The following KIF16B variants were observed in gnomAD, a reference collection of about 807,000 sequenced individuals.
KIF16B encodes kinesin-like protein KIF16B.
Under a neutral mutation model 156.3 loss-of-function variants are expected in KIF16B, and 98 were observed. The observed-to-expected ratio is 0.63, with a 90% confidence interval of 0.53 to 0.74. The LOEUF (loss-of-function observed/expected upper bound fraction) is 0.74. KIF16B is among the 30% of genes least tolerant of loss of function. The probability of loss-of-function intolerance (pLI) is 0.00; values close to 1 mark genes in which losing one functional copy is unlikely to be tolerated. For missense variants in KIF16B, 1,421 were observed against 1,606.5 expected (o/e 0.88, Z 1.97); for synonymous variants, 564 against 583.7 (o/e 0.97, Z 0.49).
chr20:16,395,979 A>G (rs1422909314), intron 17 of KIF16B, among the ~76,000 whole-genome samples: 1 of 152,196 alleles, frequency 6.6e-6, no homozygotes, highest in African/African-American at 2.4e-5. Context: ...TGGCCTGGCA[A>G]TTCTACAGCT....
intron 23 of KIF16B, among the ~76,000 whole-genome samples, chr20:16,345,231 T>C (rs1159242458): frequency 2.6e-5 from 4 of 152,352 alleles, no homozygotes; most frequent in Non-Finnish European, 4.4e-5. Context: ...CCACACTTAA[T>C]TGTCTCCTGA....
chr20:16,347,103 A>G (rs527852889), intron 23 of KIF16B, among the ~76,000 whole-genome samples: 1 of 152,342 alleles, frequency 6.6e-6, no homozygotes, highest in African/African-American at 2.4e-5. Flanking sequence ...CCTAACCTGC[A>G]GATGAACTAA....
At chr20:16,488,621 G>A (rs573547210) in intron 12 of KIF16B, among the ~76,000 whole-genome samples, 1 of 152,304 alleles carries the variant, frequency 6.6e-6, no homozygotes, top group African/African-American at 2.4e-5. Context: ...CACAGGGCAG[G>A]GGGATTGAGT....
chr20:16,279,337 G>C (rs547937166), intron 25 of KIF16B, among the ~76,000 whole-genome samples: 1 of 152,280 alleles, frequency 6.6e-6, no homozygotes, highest in African/African-American at 2.4e-5. Flanking sequence ...AGATTGTGTA[G>C]CTGCTGTTAT....
At chr20:16,434,191 A>C (rs930810564) in intron 12 of KIF16B, among the ~76,000 whole-genome samples, 1 of 152,226 alleles carries the variant, frequency 6.6e-6, no homozygotes, top group Middle Eastern at 3.2e-3. Flanking sequence ...GCATCTATTC[A>C]GGTGAAATCC....
Position 16,528,380 on chromosome 20 carries a change from T to G in KIF16B, c.108A>C (p.Thr36=), listed in dbSNP as rs1170384579. 5 of 1,613,894 alleles carry G rather than the reference T, an allele frequency of 3.1e-6. No homozygotes were observed. The East Asian group carries it at 1.1e-4, about 36-fold the overall frequency. The part of the protein sequence containing the change: ...IQMEKSKTTI[T]NLKIPEGGTG... ...CCAGGTCATGACTTGCCTTTAAGTT[T>G]GTGATTGTCGTTTTGCTTTTCTCCA... The change falls in exon 2 of 26, where the codon ACA becomes ACC. Residue 36 remains threonine (T), a synonymous_variant. Transcript: ENST00000354981.
At chr20:16,341,758 GGGAACTGTGATGCAGGTTA>G (rs1305927924) in intron 23 of KIF16B, among the ~76,000 whole-genome samples, 3 of 152,170 alleles carry the variant, frequency 2.0e-5, no homozygotes, top group Non-Finnish European at 4.4e-5. Context: ...CAACCCTCCA[GGGAACTGTGATGCAGGTTA>G]AGGTCCGAGC....
intron 1 of KIF16B, among the ~76,000 whole-genome samples, chr20:16,563,465 A>G (rs2071142731): frequency 6.6e-6 from 1 of 152,222 alleles, no homozygotes; most frequent in South Asian, 2.1e-4. Context: ...CTTTCACAAA[A>G]CAAGCTTCAG....
intron 17 of KIF16B, among the ~76,000 whole-genome samples, chr20:16,395,556 C>G (rs1300255366): frequency 3.3e-5 from 5 of 152,138 alleles, no homozygotes; most frequent in Admixed American, 3.3e-4. Context: ...CTAGTTCTTT[C>G]AAGCTTTACA....
At chr20:16,316,724 A>G (rs2063703108) in intron 24 of KIF16B, among the ~76,000 whole-genome samples, 1 of 152,204 alleles carries the variant, frequency 6.6e-6, no homozygotes. Flanking sequence ...TCTCTCCACA[A>G]GTGCAAAGCT....
At chr20:16,565,544 C>T (rs1222503320) in intron 1 of KIF16B, among the ~76,000 whole-genome samples, 1 of 152,200 alleles carries the variant, frequency 6.6e-6, no homozygotes, top group Admixed American at 6.5e-5. Context: ...TGCCCAGTCA[C>T]TCGGCTAGCC....
At chr20:16,316,553 C>A (rs1186621287) in intron 24 of KIF16B, among the ~76,000 whole-genome samples, 1 of 152,186 alleles carries the variant, frequency 6.6e-6, no homozygotes, top group Non-Finnish European at 1.5e-5. Context: ...AAAGGAGTCT[C>A]TGAAAAATGA....
intron 15 of KIF16B, among the ~76,000 whole-genome samples, chr20:16,426,587 C>A (rs147214825): frequency 0.011 from 1,626 of 152,212 alleles, 13 homozygotes; most frequent in Non-Finnish European, 0.018. Context: ...AGGAAATACA[C>A]AATGAAGTAT....
intron 22 of KIF16B, among the ~76,000 whole-genome samples, chr20:16,358,096 G>A (rs1449041339): frequency 1.3e-5 from 2 of 152,136 alleles, no homozygotes; most frequent in Admixed American, 1.3e-4. Context: ...GGCTGAGGCA[G>A]GAGAATCACT....
chr20:16,452,817 AGAGT>A (rs1422198123), intron 12 of KIF16B, among the ~76,000 whole-genome samples: 1 of 151,680 alleles, frequency 6.6e-6, no homozygotes, highest in African/African-American at 2.4e-5. Context: ...CCTGGGCAAC[AGAGT>A]GAGACTCCGT....
chr20:16,400,759 A>T (rs1227085555), intron 17 of KIF16B, among the ~76,000 whole-genome samples: 1 of 152,250 alleles, frequency 6.6e-6, no homozygotes, highest in Admixed American at 6.5e-5. Context: ...GAAATAAGCC[A>T]GTGAGAAGAG....
At chr20:16,461,878 C>G (rs2067354542) in intron 12 of KIF16B, among the ~76,000 whole-genome samples, 1 of 152,160 alleles carries the variant, frequency 6.6e-6, no homozygotes, top group Non-Finnish European at 1.5e-5. Flanking sequence ...TGGCCAAAAG[C>G]AGCAGTCTTC....
chr20:16,488,040 C>T (rs1054760697), intron 12 of KIF16B, among the ~76,000 whole-genome samples: 1 of 152,230 alleles, frequency 6.6e-6, no homozygotes, highest in African/African-American at 2.4e-5. Flanking sequence ...TGAGCGCCTG[C>T]TTCTCCTCTC....
At chr20:16,464,588 T>C (rs769026071) in intron 12 of KIF16B, among the ~76,000 whole-genome samples, 9 of 152,152 alleles carry the variant, frequency 5.9e-5, no homozygotes, top group Admixed American at 1.3e-4. Context: ...TACCAACTTA[T>C]AAACAGTCAA....
Sources: allele counts gnomAD v4.1 joint callset (sites outside exome capture counted in the v4.1 genomes callset), GRCh38; gene constraint gnomAD v4.1.1; transcripts MANE v1.5; gene names NCBI Gene and HGNC (gene_info 2026-07-23, HGNC 2026-07-21).